Variants in LRRFIP1 observed in about 807,000 individuals in gnomAD.
LRRFIP1 encodes LRR binding FLII interacting protein 1.
A neutral mutation model predicts 104.4 loss-of-function variants in LRRFIP1; 62 were observed. That is an observed-to-expected ratio of 0.59 (90% confidence interval 0.48 to 0.73). The LOEUF (loss-of-function observed/expected upper bound fraction) is 0.73, where lower values mean the gene tolerates loss of function less well. LRRFIP1 is among the 30% of genes least tolerant of loss of function. The pLI is 0.00. For missense variants in LRRFIP1, 796 were observed against 824.5 expected, an observed-to-expected ratio of 0.97 and a Z score of 0.42; for synonymous variants, 300 against 299.0, an observed-to-expected ratio of 1.00 and a Z score of -0.03.
chr2:237,717,047 G>A lies in LRRFIP1; in HGVS notation c.202-715G>A, dbSNP rs191772669. Among the ~76,000 whole-genome samples, 860 of 151,768 alleles carry A rather than the reference G, an allele frequency of 5.7e-3. 5 individuals carry two copies. Among genetic ancestry groups the A allele is most frequent in the African/African-American group, 0.019 (780 of 41,314 alleles). On this transcript the variant is annotated intron_variant, in intron 3 of 23. Coordinates refer to ENST00000308482, the MANE Select transcript of LRRFIP1 (RefSeq NM_001137550.2). This position sits in a 1 kb window ranked among gnomAD's most constrained non-coding sequence, Gnocchi z 4.2. ...TTTTTTTTTTAGCTTATCAGCTATC[G>A]TTAGTGTAGTTTATGTGTGGCCCAA... is the stretch of plus-strand genomic sequence containing the variant.
chr2:237,679,505 G>T (rs142226023), intron 1 of LRRFIP1, among the ~76,000 whole-genome samples: 1 of 151,324 alleles, frequency 6.6e-6, no homozygotes, highest in African/African-American at 2.4e-5. Context: ...AAATACTTGC[G>T]GATTATGTGT....
At chr2:237,733,872 C>A in intron 9 of LRRFIP1, 54 bp downstream of exon 9, 1 of 1,587,848 alleles carries the variant, frequency 6.3e-7, no homozygotes. Context: ...GTGCATGCAC[C>A]GCCCCCACCA....
chr2:237,774,608 CTTAAT>C (rs2060925896), intron 23 of LRRFIP1, 146 bp downstream of exon 23: 2 of 638,664 alleles, frequency 3.1e-6, no homozygotes, highest in African/African-American at 3.7e-5. Flanking sequence ...GTGCCGGTGT[CTTAAT>C]AAAGGAAGGC....
chr2:237,630,044 T>C (rs1162922884), intron 1 of LRRFIP1, among the ~76,000 whole-genome samples: 1 of 152,010 alleles, frequency 6.6e-6, no homozygotes, highest in African/African-American at 2.4e-5. Context: ...TTAAAGAAAG[T>C]GGGTAGCAAT....
chr2:237,744,851 C>T (rs1350504506), intron 11 of LRRFIP1, among the ~76,000 whole-genome samples: 12 of 152,370 alleles, frequency 7.9e-5, no homozygotes, highest in Admixed American at 3.3e-4. Flanking sequence ...CCACTGTCTG[C>T]GGGGTCCGGT....
intron 8 of LRRFIP1, among the ~76,000 whole-genome samples, chr2:237,730,193 G>A (rs1164025106): frequency 1.3e-5 from 2 of 152,188 alleles, no homozygotes; most frequent in African/African-American, 2.4e-5. Flanking sequence ...TCTGAAAACA[G>A]AACTACTTTG....
Position 237,769,983 on chromosome 2 carries a change from A to G in LRRFIP1, c.1500A>G (p.Leu500=), listed in dbSNP as rs752155665. ...AGCTGGTTGATGAACGGGAATGCTTATTGGAACAGGTAACAATCTTTTTAT... is the reference window on the plus strand; with the variant it reads ...AGCTGGTTGATGAACGGGAATGCTTGTTGGAACAGGTAACAATCTTTTTAT... ...LKKLVDEREC[L]LEQIKKLKGQ... The change falls in exon 20 of 24, where the codon TTA becomes TTG. Residue 500 remains leucine (L), a synonymous_variant. Coordinates refer to ENST00000308482, the MANE Select transcript of LRRFIP1 (RefSeq NM_001137550.2). 2 of 1,603,838 alleles carry G rather than the reference A, an allele frequency of 1.2e-6. No homozygotes were observed. Among genetic ancestry groups the G allele is most frequent in the East Asian group, 4.5e-5 (2 of 44,708 alleles).
At chr2:237,742,291 G>T (rs1310144609) in intron 11 of LRRFIP1, among the ~76,000 whole-genome samples, 2 of 152,182 alleles carry the variant, frequency 1.3e-5, no homozygotes, top group East Asian at 3.8e-4. Flanking sequence ...AACTAGCAAA[G>T]GTCAGTTGAT....
intron 20 of LRRFIP1, 186 bp from the exon 21 acceptor site, chr2:237,771,893 CAG>C (rs1398679507): frequency 5.5e-5 from 31 of 566,882 alleles, no homozygotes; most frequent in Non-Finnish European, 6.3e-6. Context: ...ACTTTTCTCT[CAG>C]AGTTACAGTG....
intron 15 of LRRFIP1, among the ~76,000 whole-genome samples, chr2:237,754,567 C>T (rs1361891759): frequency 6.6e-6 from 1 of 152,004 alleles, no homozygotes; most frequent in Non-Finnish European, 1.5e-5. Context: ...GTGTGAGTGT[C>T]GTTGTTGTTG....
chr2:237,736,233 C>T (rs998915479), intron 10 of LRRFIP1, among the ~76,000 whole-genome samples: 1 of 152,082 alleles, frequency 6.6e-6, no homozygotes, highest in African/African-American at 2.4e-5. Flanking sequence ...ATATTAAATC[C>T]AGTAGTTGAC....
chr2:237,692,500 GAGCCCGGAAGCGCAGA>G (rs1227682417), intron 1 of LRRFIP1: 5 of 1,532,964 alleles, frequency 3.3e-6, no homozygotes, highest in Non-Finnish European at 4.4e-6. Flanking sequence ...TCGACTGTTT[GAGCCCGGAAGCGCAGA>G]AGCTGGTAAG....
intron 1 of LRRFIP1, among the ~76,000 whole-genome samples, chr2:237,663,863 T>C (rs1191061819): frequency 4.0e-5 from 6 of 151,786 alleles, no homozygotes; most frequent in Admixed American, 2.0e-4. Context: ...GCCTGGGCCA[T>C]AGGGGAGAGG....
rs2093625707 is a variant in LRRFIP1, at chr2:237,703,116, G to A, written c.97-5428G>A. 6.6e-6 allele frequency among the ~76,000 whole-genome samples: 1 copy of A among 152,196 alleles called. No homozygotes were observed. Among genetic ancestry groups the A allele is most frequent in the Non-Finnish European group, 1.5e-5 (1 of 68,042 alleles). On this transcript the variant is annotated intron_variant, in intron 1 of 23. Coordinates refer to ENST00000308482, the MANE Select transcript of LRRFIP1 (RefSeq NM_001137550.2). The surrounding 1 kb of genome is among the most constrained non-coding windows in gnomAD (Gnocchi z 4.3). ...GCGAGGGCCATGCCAAGAAGCCGCT[G>A]TTCTAATCTAATCAGTGGAGGATCC...
At chr2:237,771,302 CAAAAAAA>C (rs61685773) in intron 20 of LRRFIP1, among the ~76,000 whole-genome samples, 2 of 109,804 alleles carry the variant, frequency 1.8e-5, no homozygotes, top group South Asian at 2.8e-4. Flanking sequence ...TGAAATATTC[CAAAAAAA>C]AAAAAAAAAA....
chr2:237,739,069 T>C (rs554266522), intron 10 of LRRFIP1, among the ~76,000 whole-genome samples, 163 bp from the exon 11 acceptor site: 1 of 152,372 alleles, frequency 6.6e-6, no homozygotes, highest in Admixed American at 6.5e-5. Context: ...CTGATTTGAA[T>C]ATGCGTTTGC....
At chr2:237,628,077 C>T (rs1358483643) in intron 1 of LRRFIP1, among the ~76,000 whole-genome samples, 1 of 152,090 alleles carries the variant, frequency 6.6e-6, no homozygotes, top group Non-Finnish European at 1.5e-5. Context: ...CCGGGCTGGC[C>T]GGGTGGGGGC....
chr2:237,765,935 G>A (rs2150893608), intron 19 of LRRFIP1: 1 of 984,234 alleles, frequency 1.0e-6, no homozygotes, highest in African/African-American at 1.7e-5. Flanking sequence ...TCCACTCTTT[G>A]GGCTGCTTGA....
At chr2:237,746,984 A>G (rs3754715) in intron 11 of LRRFIP1, among the ~76,000 whole-genome samples, 19,036 of 152,064 alleles carry the variant, frequency 0.13, 1,543 homozygotes, top group African/African-American at 0.22. Flanking sequence ...CCCCATTTCC[A>G]CTCCTGCTCT....
Sources: allele counts gnomAD v4.1 joint callset (sites outside exome capture counted in the v4.1 genomes callset), GRCh38; gene constraint gnomAD v4.1.1; non-coding constraint Gnocchi (gnomAD v3.1); transcripts MANE v1.5; gene names NCBI Gene and HGNC (gene_info 2026-07-23, HGNC 2026-07-21).